Variants in KIAA1958 observed in about 807,000 individuals in gnomAD.
The protein encoded by KIAA1958 is KIAA1958.
Under a neutral mutation model 47.2 loss-of-function variants are expected in KIAA1958, and 14 were observed. The observed-to-expected ratio is 0.30, with a 90% CI of 0.20 to 0.46. The LOEUF is 0.46. Among genes scored for constraint, KIAA1958 ranks in the 20% least tolerant of loss-of-function variants. KIAA1958 has a pLI of 1.00. For synonymous variants in KIAA1958, 354 were observed against 353.3 expected, an observed-to-expected ratio of 1.00 and a Z score of -0.02; for missense variants, 803 against 909.2, an observed-to-expected ratio of 0.88 and a Z score of 1.50.
intron 1 of KIAA1958, among the ~76,000 whole-genome samples, chr9:112,537,398 G>A (rs1241183024): frequency 6.6e-6 from 1 of 152,192 alleles, no homozygotes; most frequent in African/African-American, 2.4e-5. Context: ...ACTGCGCTGG[G>A]CCAGGACAAG....
chr9:112,525,646 G>T (rs1250693297), intron 1 of KIAA1958, among the ~76,000 whole-genome samples: 1 of 152,044 alleles, frequency 6.6e-6, no homozygotes, highest in East Asian at 1.9e-4. Context: ...CCTATTATAT[G>T]AAGGGAAATC....
At chr9:112,639,879 A>G (rs1307857447) in intron 2 of KIAA1958, among the ~76,000 whole-genome samples, 1 of 152,216 alleles carries the variant, frequency 6.6e-6, no homozygotes, top group Non-Finnish European at 1.5e-5. Context: ...AAAAAAGGGA[A>G]GAAGAGGAAG....
chr9:112,522,699 A>G (rs1438386888), intron 1 of KIAA1958, among the ~76,000 whole-genome samples: 1 of 152,090 alleles, frequency 6.6e-6, no homozygotes, highest in East Asian at 1.9e-4. Flanking sequence ...CTACTTATTT[A>G]TGGCTCCATC....
At chr9:112,596,776 T>C (rs1173680815) in intron 2 of KIAA1958, among the ~76,000 whole-genome samples, 9 of 152,198 alleles carry the variant, frequency 5.9e-5, no homozygotes, top group South Asian at 2.1e-4. Flanking sequence ...TTATGTGTTA[T>C]CTGTTTTCCT....
At chr9:112,565,819 C>CA (rs1449583944) in intron 1 of KIAA1958, among the ~76,000 whole-genome samples, 1 of 152,132 alleles carries the variant, frequency 6.6e-6, no homozygotes, top group Non-Finnish European at 1.5e-5. Context: ...TTATGGTACT[C>CA]AAAGTTTAAG....
chr9:112,533,806 C>T (rs1205176090), intron 1 of KIAA1958, among the ~76,000 whole-genome samples: 3 of 152,044 alleles, frequency 2.0e-5, no homozygotes, highest in African/African-American at 7.3e-5. Flanking sequence ...AAACAGCCCC[C>T]GTAATCCAAT....
intron 2 of KIAA1958, among the ~76,000 whole-genome samples, chr9:112,624,430 T>C (rs1294834001): frequency 1.3e-5 from 2 of 152,206 alleles, no homozygotes; most frequent in African/African-American, 4.8e-5. Flanking sequence ...GTGATGAAGC[T>C]AGGATAATTT....
intron 3 of KIAA1958, among the ~76,000 whole-genome samples, chr9:112,658,691 G>A (rs1837197739): frequency 6.6e-6 from 1 of 152,102 alleles, no homozygotes; most frequent in South Asian, 2.1e-4. Flanking sequence ...CAGGCGTGGT[G>A]GCTGACGCCT....
At chr9:112,488,014 C>T (rs1833898886) in intron 1 of KIAA1958, among the ~76,000 whole-genome samples, 1 of 151,278 alleles carries the variant, frequency 6.6e-6, no homozygotes, top group African/African-American at 2.4e-5. Flanking sequence ...TTCCCGAACT[C>T]GTTAGGATTC....
Position 112,561,340 on chromosome 9 carries a change from C to T in KIAA1958, c.-24-12717C>T, listed in dbSNP as rs147600740. ...AAGTGCTGGGATTACAGGCGTGAGC[C>T]ACCCCACCTGGCCTGTCTTTGCAAA... is the stretch of plus-strand genomic sequence containing the variant. On this transcript the variant is annotated intron_variant, in intron 1 of 3. Coordinates refer to ENST00000337530, the MANE Select transcript of KIAA1958 (RefSeq NM_133465.4). Among the ~76,000 whole-genome samples, 594 of 152,236 alleles carry T rather than the reference C, an allele frequency of 3.9e-3. 28 individuals carry two copies. The East Asian group carries it at 0.095, about 24-fold the overall frequency.
chr9:112,486,836 G>T lies in KIAA1958; in HGVS notation c.-307G>T, dbSNP rs1340783822. 2.4e-4 allele frequency: 19 copies of T among 80,104 alleles called. No individual in the cohort carries two copies. Among genetic ancestry groups the T allele is most frequent in the Non-Finnish European group, 3.8e-4 (15 of 39,200 alleles). 5.0% of individuals were successfully genotyped at this position (80,104 alleles called of 1,614,324 possible). On this transcript the variant is annotated 5_prime_UTR_variant, in exon 1 of 4. Coordinates refer to ENST00000337530, the MANE Select transcript of KIAA1958 (RefSeq NM_133465.4). ...CCCGCCCGCGCCCCGCCCCCTGCCCGCCCGCCGCGCTCCGAGCCGGGCGCG... is the reference window on the plus strand; with the variant it reads ...CCCGCCCGCGCCCCGCCCCCTGCCCTCCCGCCGCGCTCCGAGCCGGGCGCG...
At chr9:112,490,690 A>G (rs1422941474) in intron 1 of KIAA1958, among the ~76,000 whole-genome samples, 1 of 152,256 alleles carries the variant, frequency 6.6e-6, no homozygotes, top group Non-Finnish European at 1.5e-5. Flanking sequence ...ACAAAGTTTA[A>G]TAGGCTTTTC....
intron 1 of KIAA1958, among the ~76,000 whole-genome samples, chr9:112,507,582 C>T (rs1834252561): frequency 6.6e-6 from 1 of 152,160 alleles, no homozygotes; most frequent in Non-Finnish European, 1.5e-5. Context: ...TTCCTGGCCT[C>T]AAGTGATCCT....
intron 2 of KIAA1958, among the ~76,000 whole-genome samples, chr9:112,613,642 C>G (rs1836364521): frequency 6.6e-6 from 1 of 152,016 alleles, no homozygotes; most frequent in Admixed American, 6.6e-5. Flanking sequence ...AAAAAGCAGA[C>G]AATCCAGTAG....
chr9:112,646,141 G>A (rs1364415374), intron 3 of KIAA1958, among the ~76,000 whole-genome samples: 1 of 151,884 alleles, frequency 6.6e-6, no homozygotes, highest in Non-Finnish European at 1.5e-5. Context: ...ATGAGGACGG[G>A]AGCCTTCTAG....
chr9:112,596,665 A>G (rs897160011), intron 2 of KIAA1958, among the ~76,000 whole-genome samples: 4 of 152,106 alleles, frequency 2.6e-5, no homozygotes, highest in Non-Finnish European at 5.9e-5. Flanking sequence ...GCATCCTCCT[A>G]TCCATTAGGT....
chr9:112,629,426 C>T (rs1836672317), intron 2 of KIAA1958, among the ~76,000 whole-genome samples: 1 of 152,172 alleles, frequency 6.6e-6, no homozygotes, highest in African/African-American at 2.4e-5. Context: ...TTTTTAAAAG[C>T]TGCTACAGTT....
chr9:112,567,114 T>C (rs993770526), intron 1 of KIAA1958, among the ~76,000 whole-genome samples: 8 of 152,198 alleles, frequency 5.3e-5, no homozygotes, highest in East Asian at 3.8e-4. Context: ...TGAAGGATTA[T>C]ACTCTAAGGT....
intron 2 of KIAA1958, among the ~76,000 whole-genome samples, chr9:112,612,862 A>G (rs1221971254): frequency 1.3e-5 from 2 of 152,240 alleles, no homozygotes; most frequent in Non-Finnish European, 2.9e-5. Context: ...CAAATAATGG[A>G]AATGCCTATC....
Sources: allele counts gnomAD v4.1 joint callset (sites outside exome capture counted in the v4.1 genomes callset), GRCh38; gene constraint gnomAD v4.1.1; transcripts MANE v1.5; gene names NCBI Gene and HGNC (gene_info 2026-07-23, HGNC 2026-07-21).